TNS1: variants seen among roughly 807,000 people sequenced by gnomAD.
The protein encoded by TNS1 is tensin-1.
Under a neutral mutation model 168.6 loss-of-function variants are expected in TNS1, and 62 were observed. The observed-to-expected ratio is 0.37, with a 90% confidence interval of 0.30 to 0.45. The LOEUF (loss-of-function observed/expected upper bound fraction) is 0.45. Ranked by LOEUF, TNS1 falls within the 20% of genes least tolerant of loss-of-function variation. TNS1 has a pLI of 1.00. For missense variants in TNS1, 2,240 were observed against 2,339.4 expected (o/e 0.96, Z 0.88); for synonymous variants, 934 against 933.2 (o/e 1.00, Z -0.02).
chr2:217,950,751 T>C (rs796838963), intron 3 of TNS1, among the ~76,000 whole-genome samples: 11 of 151,412 alleles, frequency 7.3e-5, no homozygotes, highest in African/African-American at 2.4e-4. Flanking sequence ...CCTTCTTCTG[T>C]TCCCCTCCCT....
intron 1 of TNS1, among the ~76,000 whole-genome samples, chr2:217,991,875 C>A (rs115111286): frequency 0.023 from 3,471 of 152,102 alleles, 129 homozygotes; most frequent in African/African-American, 0.08. Context: ...ATGTGACTAT[C>A]CTTTTCTAAA....
At chr2:217,896,500 G>A (rs1029288480) in intron 8 of TNS1, among the ~76,000 whole-genome samples, 11 of 152,122 alleles carry the variant, frequency 7.2e-5, no homozygotes, top group African/African-American at 2.4e-4. Context: ...GGAGTGATGC[G>A]CTACAAACCA....
At chr2:217,885,912 T>C (rs1951154975) in intron 14 of TNS1, 93 bp from the exon 15 acceptor site, 3 of 1,549,252 alleles carry the variant, frequency 1.9e-6, no homozygotes, top group Non-Finnish European at 2.7e-6. Context: ...GCCACAGGGT[T>C]AGTGGGAAAC....
chr2:217,813,380 C>T lies in TNS1; in HGVS notation c.4862-73G>A. Reference sequence around the variant, plus strand: ...CTCCCACCACCTCCCAAGACTGCTTCAAAACTTCCGCAGTGTGCGGGGCCA... The same window carrying T: ...CTCCCACCACCTCCCAAGACTGCTTTAAAACTTCCGCAGTGTGCGGGGCCA... On this transcript the variant is annotated intron_variant, in intron 26 of 32. Coordinates refer to ENST00000682258, the MANE Select transcript of TNS1 (RefSeq NM_001387777.1). This position sits in a 1 kb window ranked among gnomAD's most constrained non-coding sequence, Gnocchi z 4.0. 3 of 1,284,334 alleles carry T rather than the reference C, an allele frequency of 2.3e-6. 1 individual carries two copies. In the South Asian group the frequency reaches 3.8e-5, roughly 16 times the overall value. 79.6% of individuals were successfully genotyped at this position (1,284,334 alleles called of 1,614,324 possible).
At chr2:218,017,443 G>T (rs186167571) in intron 1 of TNS1, among the ~76,000 whole-genome samples, 1 of 152,346 alleles carries the variant, frequency 6.6e-6, no homozygotes, top group African/African-American at 2.4e-5. Context: ...CTGCCCCTCT[G>T]GGAGCCTCAG....
intron 2 of TNS1, among the ~76,000 whole-genome samples, chr2:217,979,407 C>T (rs963764908): frequency 1.3e-5 from 2 of 152,046 alleles, no homozygotes; most frequent in African/African-American, 4.8e-5. Context: ...AGCCCTGACT[C>T]AGGGCACCAA....
At chr2:217,855,207 C>T (rs553877466) in intron 18 of TNS1, among the ~76,000 whole-genome samples, 1 of 152,306 alleles carries the variant, frequency 6.6e-6, no homozygotes, top group African/African-American at 2.4e-5. Context: ...GCCTCACTTC[C>T]TTGTCCTCCA....
chr2:217,997,025 C>T (rs1559406776), intron 1 of TNS1, among the ~76,000 whole-genome samples: 1 of 151,990 alleles, frequency 6.6e-6, no homozygotes, highest in Non-Finnish European at 1.5e-5. Context: ...CCCACTGCAC[C>T]TCTAAGACTC....
At chr2:217,860,252 T>C (rs1470140326) in intron 18 of TNS1, among the ~76,000 whole-genome samples, 1 of 152,144 alleles carries the variant, frequency 6.6e-6, no homozygotes, top group Non-Finnish European at 1.5e-5. Context: ...CTGGCTGCTG[T>C]TCTTTGAGGG....
At chr2:217,947,942 T>G (rs779591325) in intron 3 of TNS1, among the ~76,000 whole-genome samples, 1 of 152,220 alleles carries the variant, frequency 6.6e-6, no homozygotes, top group East Asian at 1.9e-4. Context: ...GTGCCTATGA[T>G]TCTCACCTCA....
chr2:217,951,949 C>T (rs1012618312), intron 3 of TNS1, among the ~76,000 whole-genome samples: 1 of 152,234 alleles, frequency 6.6e-6, no homozygotes, highest in Non-Finnish European at 1.5e-5. Context: ...CCCTTCATTC[C>T]ACAAGTACTT....
chr2:217,856,003 C>T (rs898960173), intron 18 of TNS1, among the ~76,000 whole-genome samples: 2 of 152,166 alleles, frequency 1.3e-5, no homozygotes, highest in African/African-American at 4.8e-5. Context: ...CATTAACTTC[C>T]CTAGACCCAG....
chr2:217,923,608 C>A (rs565115432), intron 3 of TNS1, among the ~76,000 whole-genome samples: 36 of 152,294 alleles, frequency 2.4e-4, no homozygotes, highest in Non-Finnish European at 4.4e-4. Flanking sequence ...TCCACGGAGC[C>A]ATCCACAGCC....
At chr2:217,960,200 C>T (rs917475816) in intron 3 of TNS1, among the ~76,000 whole-genome samples, 3 of 152,166 alleles carry the variant, frequency 2.0e-5, no homozygotes, top group African/African-American at 7.2e-5. Context: ...ACATCCACCC[C>T]ACAACATGTA....
chr2:217,910,707 T>TACAC (rs1954281558), intron 4 of TNS1, among the ~76,000 whole-genome samples: 3 of 60,142 alleles, frequency 5.0e-5, no homozygotes, highest in South Asian at 5.1e-4. Flanking sequence ...AGCTACCACA[T>TACAC]ACACATACAC....
chr2:217,880,829 G>T lies in TNS1; in HGVS notation c.1429+69C>A. On this transcript the variant is annotated intron_variant, in intron 18 of 32. Transcript: ENST00000682258. This position sits in a 1 kb window ranked among gnomAD's most constrained non-coding sequence, Gnocchi z 4.2. ...CAGATCTCTTGAAAGCAGGCCAAGA[G>T]AAGCAAGGTCATGTGAGCAGAGGCT... 8.1e-7 allele frequency: 1 copy of T among 1,239,684 alleles called. No homozygotes were observed. The highest frequency in any genetic ancestry group is 1.2e-6 in the Non-Finnish European group (1 of 845,392). The allele number at this position is 1,239,684 out of a possible 1,614,324, so 76.8% of individuals were successfully genotyped here.
chr2:217,991,822 C>A (rs1958373818), intron 1 of TNS1, among the ~76,000 whole-genome samples: 1 of 151,788 alleles, frequency 6.6e-6, no homozygotes, highest in African/African-American at 2.4e-5. Context: ...CTTCTTCCAT[C>A]TTTATTTTTA....
chr2:217,821,963 C>T (rs1165627301), intron 22 of TNS1, 25 bp from the exon 23 acceptor site: 12 of 1,562,264 alleles, frequency 7.7e-6, no homozygotes, highest in Non-Finnish European at 9.5e-6. Context: ...AGGACAGAGA[C>T]ACTGAGCACA....
At chr2:217,924,220 G>A (rs959152589) in intron 3 of TNS1, among the ~76,000 whole-genome samples, 7 of 151,988 alleles carry the variant, frequency 4.6e-5, no homozygotes, top group East Asian at 3.9e-4. Flanking sequence ...AGCTGTCTGC[G>A]TAGCTGTGTC....
Sources: gnomAD v4.1 joint callset for allele counts (sites outside exome capture counted in the v4.1 genomes callset) on GRCh38, gnomAD v4.1.1 for gene constraint, Gnocchi (gnomAD v3.1) non-coding constraint, MANE v1.5 for transcripts, NCBI Gene and HGNC (gene_info 2026-07-23, HGNC 2026-07-21) for gene names.